SHISAL2B: variants seen among roughly 807,000 people sequenced by gnomAD.
SHISAL2B encodes the protein protein shisa-like-2B.
Under a neutral mutation model 16.5 loss-of-function variants are expected in SHISAL2B, and 12 were observed. The ratio of observed to expected loss-of-function variants is 0.73; its 90% confidence interval spans 0.47 to 1.18. The LOEUF (loss-of-function observed/expected upper bound fraction) is 1.18, where lower values mean the gene tolerates loss of function less well. SHISAL2B is among the 50% of genes most tolerant of loss of function. The pLI is 0.00. For missense variants in SHISAL2B, 183 were observed against 193.6 expected (o/e 0.95, Z 0.33); for synonymous variants, 72 against 75.0 (o/e 0.96, Z 0.21).
At chr5:64,706,838 G>T (rs1741881883) in intron 2 of SHISAL2B, among the ~76,000 whole-genome samples, 1 of 152,124 alleles carries the variant, frequency 6.6e-6, no homozygotes, top group South Asian at 2.1e-4. Context: ...GGGCTTTAAA[G>T]AAAGCACAGC....
At chr5:64,717,615 A>G (rs1742075660) in intron 2 of SHISAL2B, among the ~76,000 whole-genome samples, 1 of 152,206 alleles carries the variant, frequency 6.6e-6, no homozygotes, top group South Asian at 2.1e-4. Context: ...TTACCTTCTT[A>G]TCAGATGTGT....
At chr5:64,717,761 T>C in intron 2 of SHISAL2B, 128 bp from the exon 3 acceptor site, 1 of 761,596 alleles carries the variant, frequency 1.3e-6, no homozygotes, top group Non-Finnish European at 2.0e-6. Flanking sequence ...CAATTCTCAC[T>C]CATACACATA....
chr5:64,702,406 G>T (rs772482635), intron 2 of SHISAL2B, among the ~76,000 whole-genome samples: 1 of 152,040 alleles, frequency 6.6e-6, no homozygotes, highest in Non-Finnish European at 1.5e-5. Context: ...CTCTATGTTG[G>T]TCAGGCTGGT....
At chr5:64,706,891 A>C (rs1741882729) in intron 2 of SHISAL2B, among the ~76,000 whole-genome samples, 1 of 152,196 alleles carries the variant, frequency 6.6e-6, no homozygotes, top group Admixed American at 6.5e-5. Context: ...AGGGGAAAAA[A>C]GATAAAAGAA....
chr5:64,717,008 T>C (rs1406359835), intron 2 of SHISAL2B, among the ~76,000 whole-genome samples: 3 of 152,172 alleles, frequency 2.0e-5, no homozygotes, highest in Non-Finnish European at 4.4e-5. Context: ...ATGGATTGCA[T>C]GTAGGGTGAG....
At position 64,702,304 on chromosome 5, in the gene SHISAL2B, G is replaced by A. The variant is rs147835059; in HGVS notation, c.349+6640G>A. Among the ~76,000 whole-genome samples the A allele has an allele frequency of 6.8e-3, 1,037 of 152,010 alleles. 10 individuals are homozygous for A. Among genetic ancestry groups the A allele is most frequent in the African/African-American group, 0.024 (1,008 of 41,458 alleles). On this transcript the variant is annotated intron_variant, in intron 2 of 2. Transcript: ENST00000389074. ...CAACCTCCGCCTCCCGGGTTCAAGC[G>A]GTTCTTCTGCCTCAGCCTCCTGAGT...
intron 2 of SHISAL2B, among the ~76,000 whole-genome samples, chr5:64,705,993 T>C (rs570384607): frequency 1.8e-4 from 27 of 152,242 alleles, no homozygotes; most frequent in South Asian, 4.1e-4. Context: ...ACTCCATCTC[T>C]ACCAAAAAAT....
intron 2 of SHISAL2B, among the ~76,000 whole-genome samples, chr5:64,710,318 C>G (rs1356623633): frequency 3.7e-4 from 40 of 108,410 alleles, no homozygotes; most frequent in Non-Finnish European, 5.2e-4. Flanking sequence ...GCTTGTTTTT[C>G]TCAGGTTTGT....
At chr5:64,706,444 T>G (rs759899035) in intron 2 of SHISAL2B, among the ~76,000 whole-genome samples, 15 of 152,226 alleles carry the variant, frequency 9.9e-5, no homozygotes, top group Non-Finnish European at 2.1e-4. Flanking sequence ...CAGGTTGACT[T>G]TTCTCTTTAG....
intron 2 of SHISAL2B, among the ~76,000 whole-genome samples, chr5:64,702,779 T>A (rs1741827794): frequency 6.6e-6 from 1 of 152,144 alleles, no homozygotes; most frequent in Non-Finnish European, 1.5e-5. Flanking sequence ...AGATCTGTCT[T>A]TTTTATTTTC....
intron 2 of SHISAL2B, among the ~76,000 whole-genome samples, chr5:64,708,559 C>A (rs1741905114): frequency 6.6e-6 from 1 of 152,092 alleles, no homozygotes; most frequent in African/African-American, 2.4e-5. Flanking sequence ...TAAAAACAAT[C>A]CATACAATGC....
At chr5:64,717,753 A>C in intron 2 of SHISAL2B, 136 bp from the exon 3 acceptor site, 1 of 662,978 alleles carries the variant, frequency 1.5e-6, no homozygotes, top group Admixed American at 3.9e-5. Flanking sequence ...AAATAACTCA[A>C]TTCTCACTCA....
At chr5:64,706,613 G>T (rs573382772) in intron 2 of SHISAL2B, among the ~76,000 whole-genome samples, 2 of 152,258 alleles carry the variant, frequency 1.3e-5, no homozygotes, top group East Asian at 3.9e-4. Flanking sequence ...TCCTAGATGG[G>T]TAGGTCCCAC....
chr5:64,704,187 A>C (rs115043757), intron 2 of SHISAL2B, among the ~76,000 whole-genome samples: 1 of 152,230 alleles, frequency 6.6e-6, no homozygotes, highest in African/African-American at 2.4e-5. Flanking sequence ...GCTTAATTAC[A>C]GTTCTGCCTG....
chr5:64,710,351 A>G (rs1056490653), intron 2 of SHISAL2B, among the ~76,000 whole-genome samples: 2 of 108,788 alleles, frequency 1.8e-5, no homozygotes, highest in Non-Finnish European at 3.6e-5. Context: ...AATTGTAGGT[A>G]TGCGGCGTTA....
intron 2 of SHISAL2B, among the ~76,000 whole-genome samples, chr5:64,712,709 G>C (rs1402389846): frequency 9.2e-5 from 14 of 152,104 alleles, no homozygotes; most frequent in Non-Finnish European, 1.9e-4. Flanking sequence ...CTTGCTTTAT[G>C]AATCTGGGTG....
chr5:64,715,196 A>G (rs1742028512), intron 2 of SHISAL2B, among the ~76,000 whole-genome samples: 2 of 152,038 alleles, frequency 1.3e-5, no homozygotes, highest in Admixed American at 1.3e-4. Flanking sequence ...TTTAATATAT[A>G]TTTTTACTTA....
chr5:64,704,105 G>C (rs1187756614), intron 2 of SHISAL2B, among the ~76,000 whole-genome samples: 1 of 152,196 alleles, frequency 6.6e-6, no homozygotes, highest in Admixed American at 6.5e-5. Flanking sequence ...AGGTTAGTAC[G>C]TGGAAGCTGC....
intron 2 of SHISAL2B, among the ~76,000 whole-genome samples, chr5:64,703,011 A>G (rs1308049165): frequency 6.6e-6 from 1 of 152,162 alleles, no homozygotes; most frequent in African/African-American, 2.4e-5. Flanking sequence ...ACAAGACTCC[A>G]TCTCCCCTCT....
Sources: allele counts gnomAD v4.1 joint callset (sites outside exome capture counted in the v4.1 genomes callset), GRCh38; gene constraint gnomAD v4.1.1; transcripts MANE v1.5; gene names NCBI Gene and HGNC (gene_info 2026-07-23, HGNC 2026-07-21).